Variants in GRIK1 observed in about 807,000 individuals in gnomAD.
GRIK1 encodes glutamate ionotropic receptor kainate type subunit 1.
In GRIK1, 69 loss-of-function variants were observed where a neutral mutation model predicts 105.7. That is an observed-to-expected ratio of 0.65 (90% CI 0.54 to 0.80). The LOEUF (loss-of-function observed/expected upper bound fraction) is 0.80. Among genes scored for constraint, GRIK1 ranks in the 30% least tolerant of loss-of-function variants. The pLI is 0.00. For synonymous variants in GRIK1, 438 were observed against 431.3 expected, an observed-to-expected ratio of 1.02 and a Z score of -0.19; for missense variants, 1,109 against 1,167.3, an observed-to-expected ratio of 0.95 and a Z score of 0.73.
At chr21:29,591,335 A>T in intron 9 of GRIK1, 110 bp from the exon 10 acceptor site, 1 of 752,454 alleles carries the variant, frequency 1.3e-6, no homozygotes, top group South Asian at 1.4e-5. Flanking sequence ...AGTTTGGGAC[A>T]CTGGGGCATC....
At chr21:29,718,232 T>G (rs2146844856) in intron 1 of GRIK1, among the ~76,000 whole-genome samples, 1 of 152,340 alleles carries the variant, frequency 6.6e-6, no homozygotes, top group East Asian at 1.9e-4. Context: ...TAAGCCTAAT[T>G]TTTTAGAAGA....
In GRIK1 at chr21:29,577,109, A is replaced by G; in HGVS notation, c.1985T>C (p.Ile662Thr). Reference sequence around the variant, plus strand: ...CAGATTGGCCGTGTAGGATGAAATGATGATTAGGGTGAAAAACCACCATAT... The same window carrying G: ...CAGATTGGCCGTGTAGGATGAAATGGTGATTAGGGTGAAAAACCACCATAT... Reference protein sequence around the residue: ...GGIWWFFTLIIISSYTANLAA... With the variant: ...GGIWWFFTLITISSYTANLAA... The change falls in exon 14 of 18, where the codon ATC becomes ACC. Residue 662 changes from isoleucine to threonine, a missense_variant. Physicochemically the swap from Ile to Thr is moderately conservative, Grantham distance 89. Around this residue, in one of 5 missense-constraint regions of GRIK1, gnomAD observed 264 missense variants for 306.9 expected, o/e 0.86. Coordinates refer to ENST00000327783, the MANE Select transcript of GRIK1 (RefSeq NM_001330994.2). The G allele has an allele frequency of 6.2e-7, 1 of 1,612,840 alleles. No homozygotes were observed. The highest frequency in any genetic ancestry group is 8.5e-7 in the Non-Finnish European group (1 of 1,178,842).
chr21:29,712,840 C>T (rs2064090703), intron 1 of GRIK1, among the ~76,000 whole-genome samples: 1 of 152,040 alleles, frequency 6.6e-6, no homozygotes, highest in African/African-American at 2.4e-5. Context: ...CTGATCATGA[C>T]ACTTTTATAG....
At chr21:29,905,290 A>G (rs887017379) in intron 1 of GRIK1, among the ~76,000 whole-genome samples, 13 of 152,146 alleles carry the variant, frequency 8.5e-5, no homozygotes, top group African/African-American at 3.1e-4. Context: ...AGAGCAAGTT[A>G]TATTAAGTTA....
intron 1 of GRIK1, among the ~76,000 whole-genome samples, chr21:29,931,068 A>G (rs2071548615): frequency 6.6e-6 from 1 of 152,218 alleles, no homozygotes; most frequent in Non-Finnish European, 1.5e-5. Flanking sequence ...CATGTACTCC[A>G]CATCTTCTTT....
intron 15 of GRIK1, among the ~76,000 whole-genome samples, chr21:29,559,161 G>A (rs1245312999): frequency 1.3e-5 from 2 of 152,098 alleles, no homozygotes; most frequent in Non-Finnish European, 2.9e-5. Flanking sequence ...ACTCCTCTAC[G>A]AGGGTCTTGA....
At chr21:29,856,111 T>TA (rs1437677167) in intron 1 of GRIK1, among the ~76,000 whole-genome samples, 3 of 152,150 alleles carry the variant, frequency 2.0e-5, no homozygotes, top group African/African-American at 7.2e-5. Context: ...GTGTTGGAGC[T>TA]AGTTGTGGAT....
At chr21:29,909,568 C>G (rs1182785656) in intron 1 of GRIK1, among the ~76,000 whole-genome samples, 2 of 152,086 alleles carry the variant, frequency 1.3e-5, no homozygotes, top group African/African-American at 4.8e-5. Context: ...GTTACTTAAA[C>G]TCAGCACATT....
chr21:29,790,020 C>T (rs1213547760), intron 1 of GRIK1, among the ~76,000 whole-genome samples: 2 of 152,114 alleles, frequency 1.3e-5, no homozygotes, highest in Admixed American at 6.5e-5. Flanking sequence ...GACATGTTCA[C>T]GTAAGTCTCC....
At chr21:29,807,691 T>C (rs377708944) in intron 1 of GRIK1, among the ~76,000 whole-genome samples, 6 of 152,174 alleles carry the variant, frequency 3.9e-5, no homozygotes, top group African/African-American at 1.4e-4. Flanking sequence ...TACATATTTA[T>C]ATACAACAAA....
chr21:29,597,717 G>A (rs1260786879), intron 8 of GRIK1: 2 of 429,794 alleles, frequency 4.7e-6, no homozygotes, highest in Middle Eastern at 3.6e-4. Context: ...CATGTATAAT[G>A]TGTACTCTCA....
chr21:29,560,566 T>TTCTCTCTCTCTCTCTCTC, intron 15 of GRIK1, among the ~76,000 whole-genome samples: 1 of 121,576 alleles, frequency 8.2e-6, no homozygotes, highest in African/African-American at 4.2e-5. Flanking sequence ...CTTTCTTTCT[T>TTCTCTCTCTCTCTCTCTC]TCTTTCTTTC....
intron 4 of GRIK1, among the ~76,000 whole-genome samples, chr21:29,670,128 CT>C (rs773833568): frequency 4.6e-5 from 7 of 152,108 alleles, no homozygotes; most frequent in Non-Finnish European, 7.4e-5. Flanking sequence ...ATGATAGGAC[CT>C]TTAAAAAAGG....
chr21:29,636,823 A>G (rs1311116104), intron 7 of GRIK1, among the ~76,000 whole-genome samples: 11 of 152,204 alleles, frequency 7.2e-5, no homozygotes, highest in African/African-American at 2.7e-4. Context: ...CTCTGCCTCA[A>G]AAACAGTGGC....
intron 9 of GRIK1, among the ~76,000 whole-genome samples, chr21:29,595,372 C>T (rs1183281446): frequency 1.4e-5 from 2 of 148,066 alleles, no homozygotes; most frequent in East Asian, 2.0e-4. Flanking sequence ...TTCTGGGTGC[C>T]GGTTAGGTTC....
At chr21:29,937,575 TCTC>T (rs960378509) in intron 1 of GRIK1, among the ~76,000 whole-genome samples, 19 of 152,282 alleles carry the variant, frequency 1.2e-4, no homozygotes, top group African/African-American at 4.3e-4. Flanking sequence ...CCTTTTCCCT[TCTC>T]CTCCTGAGTT....
At chr21:29,793,929 C>T (rs2066490970) in intron 1 of GRIK1, among the ~76,000 whole-genome samples, 1 of 152,144 alleles carries the variant, frequency 6.6e-6, no homozygotes, top group Non-Finnish European at 1.5e-5. Context: ...GTGGAAGACA[C>T]AAAGGTCCAT....
chr21:29,723,328 T>A (rs1192411082), intron 1 of GRIK1, among the ~76,000 whole-genome samples: 1 of 152,270 alleles, frequency 6.6e-6, no homozygotes, highest in Non-Finnish European at 1.5e-5. Context: ...CATCTGGAAT[T>A]GAATCTTAAC....
chr21:29,824,807 A>G (rs2067404536), intron 1 of GRIK1, among the ~76,000 whole-genome samples: 2 of 152,126 alleles, frequency 1.3e-5, no homozygotes, highest in Non-Finnish European at 1.5e-5. Context: ...TCATAAGAAG[A>G]CAAAGAACAG....
Sources: allele counts gnomAD v4.1 joint callset (sites outside exome capture counted in the v4.1 genomes callset), GRCh38; gene constraint gnomAD v4.1.1; regional missense constraint gnomAD v4.1.1; transcripts MANE v1.5; gene names NCBI Gene and HGNC (gene_info 2026-07-23, HGNC 2026-07-21).